UBXN11: variants seen among roughly 807,000 people sequenced by gnomAD.
UBXN11 encodes the protein UBX domain protein 11.
A neutral mutation model predicts 62.8 loss-of-function variants in UBXN11; 47 were observed. The ratio of observed to expected loss-of-function variants is 0.75; its 90% CI spans 0.59 to 0.95. The LOEUF is 0.95. Ranked by LOEUF, UBXN11 falls within the 40% of genes least tolerant of loss-of-function variation. UBXN11 has a pLI of 0.00. For synonymous variants in UBXN11, 294 were observed against 267.0 expected, an observed-to-expected ratio of 1.10 and a Z score of -0.99; for missense variants, 638 against 661.7, an observed-to-expected ratio of 0.96 and a Z score of 0.39.
At chr1:26,309,461 A>G (rs1046165848), upstream of UBXN11, among the ~76,000 whole-genome samples, 3 of 141,586 alleles carry the variant, frequency 2.1e-5, no homozygotes, top group South Asian at 6.8e-4. Flanking sequence ...GATGGTCTCT[A>G]TCTCCTGACC....
intron 10 of UBXN11, chr1:26,284,888 A>G (rs549542918): frequency 9.9e-7 from 1 of 1,008,724 alleles, no homozygotes; most frequent in African/African-American, 1.7e-5. Context: ...CTGTGGCACG[A>G]ATGCCTTAAA....
At position 26,282,587 on chromosome 1, in the gene UBXN11, C is replaced by A; in HGVS notation, c.1293-18G>T. ...CCATGACCCTGGGGACCAGGCAGAGCAGATCAGGCTGGGCAGTGGGACCAG... is the reference window on the plus strand; with the variant it reads ...CCATGACCCTGGGGACCAGGCAGAGAAGATCAGGCTGGGCAGTGGGACCAG... On this transcript the variant is annotated intron_variant, in intron 14 of 14. Transcript: ENST00000374222. 6.2e-7 allele frequency: 1 copy of A among 1,609,674 alleles called. No homozygotes were observed. Among genetic ancestry groups the A allele is most frequent in the Non-Finnish European group, 8.5e-7 (1 of 1,177,262 alleles).
At chr1:26,310,672 G>A (rs2073732477), upstream of UBXN11, among the ~76,000 whole-genome samples, 1 of 148,788 alleles carries the variant, frequency 6.7e-6, no homozygotes, top group African/African-American at 2.5e-5. Context: ...AGGTTGCAGT[G>A]AGCCAAGATT....
rs1258708797 is a variant in UBXN11 at position 26,282,352 on chromosome 1, C to CGGGACT, written c.1504_1509dup (p.Ser502_Pro503dup). On this transcript the variant is annotated inframe_insertion, in exon 15 of 15. Transcript: ENST00000374222. Reference sequence around the variant, plus strand: ...CAGGGACTGGGGCCGGGACCGGGACCGGGACTGGGGCCGGGACCGGGACCG... The same window carrying CGGGACT: ...CAGGGACTGGGGCCGGGACCGGGACCGGGACTGGGACTGGGGCCGGGACCGGGACCG... 3.7e-6 allele frequency: 1 copy of CGGGACT among 271,138 alleles called. No homozygotes were observed. Among genetic ancestry groups the CGGGACT allele is most frequent in the Admixed American group, 1.2e-4 (1 of 8,112 alleles). The allele number at this position is 271,138 out of a possible 1,614,324, so 16.8% of individuals were successfully genotyped here.
At chr1:26,287,374 G>A (rs1438980680) in intron 8 of UBXN11, among the ~76,000 whole-genome samples, 2 of 152,072 alleles carry the variant, frequency 1.3e-5, no homozygotes, top group Admixed American at 6.5e-5. Flanking sequence ...GGGGACAGCC[G>A]TGACAGACAA....
chr1:26,284,776 G>A, intron 10 of UBXN11: 7 of 1,185,456 alleles, frequency 5.9e-6, no homozygotes, highest in Non-Finnish European at 6.3e-6. Context: ...GAGGGGGTCA[G>A]GAGAGGACAA....
At chr1:26,300,848 T>C in intron 4 of UBXN11, 78 bp downstream of exon 4, 2 of 1,601,744 alleles carry the variant, frequency 1.2e-6, no homozygotes, top group Non-Finnish European at 8.5e-7. Context: ...GGAAGGGCCA[T>C]GCCTCCCTAG....
intron 7 of UBXN11, among the ~76,000 whole-genome samples, chr1:26,296,142 G>A (rs6598956): frequency 0.15 from 22,683 of 152,254 alleles, 1,930 homozygotes; most frequent in African/African-American, 0.21. Flanking sequence ...GGGCCCATGC[G>A]TGCCTGGGAC....
chr1:26,282,509 G>T lies in UBXN11; in HGVS notation c.1353C>A (p.Asp451Glu). The T allele has an allele frequency of 6.2e-7, 1 of 1,600,816 alleles. No homozygotes were observed. Among genetic ancestry groups the T allele is most frequent in the Non-Finnish European group, 8.5e-7 (1 of 1,171,370 alleles). The change falls in exon 15 of 15, where the codon GAC (aspartate) becomes GAA (glutamate). Residue 451 changes from aspartate to glutamate, a missense_variant. Physicochemically the swap from Asp to Glu is conservative, Grantham distance 45 (BLOSUM62 2). Transcript: ENST00000374222. ...CTGCAGCCTGCAGCGTGAGTGTATC[G>T]TCCTGGTAGAGGGTGGGCGGGAATG... The part of the protein sequence containing the change: ...FSTFPPTLYQ[D>E]DTLTLQAAGL...
chr1:26,304,823 T>C (rs115034143), intron 1 of UBXN11, among the ~76,000 whole-genome samples: 1 of 152,114 alleles, frequency 6.6e-6, no homozygotes, highest in Non-Finnish European at 1.5e-5. Flanking sequence ...TCATCTCCCA[T>C]CTTGCCGCCT....
chr1:26,314,992 G>A (rs1168801235), intron 1 of UBXN11, among the ~76,000 whole-genome samples: 1 of 152,120 alleles, frequency 6.6e-6, no homozygotes, highest in Non-Finnish European at 1.5e-5. Context: ...GAGGCGGGAG[G>A]ATTGCTTGAG....
intron 7 of UBXN11, among the ~76,000 whole-genome samples, chr1:26,294,785 C>T (rs1174686324): frequency 6.6e-6 from 1 of 152,188 alleles, no homozygotes; most frequent in East Asian, 1.9e-4. Flanking sequence ...TCTACATGTC[C>T]ACACCCCGAC....
upstream of UBXN11, among the ~76,000 whole-genome samples, chr1:26,308,414 T>C (rs190915760): frequency 2.0e-5 from 3 of 152,268 alleles, no homozygotes; most frequent in East Asian, 5.8e-4. Context: ...GTCCACGCTC[T>C]TCCTAGAAAC....
intron 2 of UBXN11, among the ~76,000 whole-genome samples, chr1:26,301,969 T>C (rs1000016449): frequency 6.6e-6 from 1 of 152,046 alleles, no homozygotes; most frequent in African/African-American, 2.4e-5. Context: ...GAGTCTTAGG[T>C]GGGAAGACTA....
At chr1:26,288,962 C>G (rs370598349) in intron 8 of UBXN11, among the ~76,000 whole-genome samples, 6 of 152,242 alleles carry the variant, frequency 3.9e-5, no homozygotes, top group East Asian at 3.9e-4. Context: ...ACTGGGGTCC[C>G]TTTTCCAGGG....
At chr1:26,283,259 G>A (rs2073046272) in intron 12 of UBXN11, among the ~76,000 whole-genome samples, 1 of 152,156 alleles carries the variant, frequency 6.6e-6, no homozygotes, top group Non-Finnish European at 1.5e-5. Flanking sequence ...ACTGAGCTGT[G>A]ACTGAAGGAT....
In UBXN11 at chr1:26,298,030, A is replaced by C. The variant is rs1177464926; in HGVS notation, c.232T>G (p.Phe78Val). 3 of 1,613,730 alleles carry C rather than the reference A, an allele frequency of 1.9e-6. No individual in the cohort carries two copies. Among genetic ancestry groups the C allele is most frequent in the Non-Finnish European group, 2.5e-6 (3 of 1,179,918 alleles). Residue 78 changes from phenylalanine (F) to valine (V), a missense_variant, in exon 5 of 15, where the codon TTC becomes GTC. Coordinates refer to ENST00000374222, the MANE Select transcript of UBXN11 (RefSeq NM_001389556.1). The stretch of plus-strand genomic sequence containing the variant: ...AGGTCCCACAACTTCCTCGTCATGA[A>C]GGCCATCAGCTCCGAGTCATGGGAT... The part of the protein sequence containing the change: ...PASHDSELMA[F>V]MTRKLWDLEQ...
intron 12 of UBXN11, 108 bp from the exon 13 acceptor site, chr1:26,283,045 C>G: frequency 7.0e-7 from 1 of 1,425,082 alleles, no homozygotes; most frequent in South Asian, 1.2e-5. Context: ...GACCAGTGAG[C>G]AAAGCGGGAG....
At chr1:26,308,995 C>T (rs906582179), upstream of UBXN11, among the ~76,000 whole-genome samples, 11 of 134,252 alleles carry the variant, frequency 8.2e-5, no homozygotes, top group African/African-American at 2.8e-4. Flanking sequence ...TGCAGTGGCA[C>T]GATCGTGGCT....
Sources: gnomAD v4.1 joint callset for allele counts (sites outside exome capture counted in the v4.1 genomes callset) on GRCh38, gnomAD v4.1.1 for gene constraint, MANE v1.5 for transcripts, NCBI Gene and HGNC (gene_info 2026-07-23, HGNC 2026-07-21) for gene names.